DLC1: variants seen among roughly 807,000 people sequenced by gnomAD.
DLC1 encodes rho GTPase-activating protein 7.
A neutral mutation model predicts 140.3 loss-of-function variants in DLC1; 54 were observed. That is an observed-to-expected ratio of 0.38 (90% CI 0.31 to 0.48). The LOEUF is 0.48. Among genes scored for constraint, DLC1 ranks in the 20% least tolerant of loss-of-function variants. The pLI, the probability that DLC1 is intolerant of heterozygous loss-of-function variation, is 0.96. For synonymous variants in DLC1, 986 were observed against 728.1 expected (o/e 1.35, Z -5.70); for missense variants, 2,536 against 1,907.0 (o/e 1.33, Z -6.14).
At chr8:13,508,309 G>A (rs568497694) in intron 1 of DLC1, among the ~76,000 whole-genome samples, 1 of 152,168 alleles carries the variant, frequency 6.6e-6, no homozygotes, top group Non-Finnish European at 1.5e-5. Context: ...AATATTTTAT[G>A]ATATTCTCCT....
At chr8:13,160,771 G>C (rs769409846) in intron 5 of DLC1, among the ~76,000 whole-genome samples, 3 of 152,148 alleles carry the variant, frequency 2.0e-5, no homozygotes, top group African/African-American at 7.2e-5. Context: ...TATGAAAGAG[G>C]GGGTGGGGAT....
intron 4 of DLC1, among the ~76,000 whole-genome samples, chr8:13,356,222 G>C (rs1444198391): frequency 6.6e-6 from 1 of 151,308 alleles, no homozygotes; most frequent in Non-Finnish European, 1.5e-5. Context: ...ATAGCATTTG[G>C]CCAACTTCTA....
chr8:13,498,841 C>T lies in DLC1; in HGVS notation c.1023+208G>A, dbSNP rs1801634487. On this transcript the variant is annotated intron_variant, in intron 2 of 17. Coordinates refer to ENST00000276297, the MANE Select transcript of DLC1 (RefSeq NM_182643.3). ...TAGAATATTCATAAACCATTATACA[C>T]ATTATTAGTGAAACGGATAGATTAT... 8 of 548,328 alleles carry T rather than the reference C, an allele frequency of 1.5e-5. No homozygotes were observed. The South Asian group carries it at 2.4e-4, about 17-fold the overall frequency. The allele number at this position is 548,328 out of a possible 1,614,324, so 34.0% of individuals were successfully genotyped here.
chr8:13,437,697 C>T (rs979642185), intron 2 of DLC1, among the ~76,000 whole-genome samples: 1 of 152,166 alleles, frequency 6.6e-6, no homozygotes, highest in Non-Finnish European at 1.5e-5. Context: ...GCAGGGGCCT[C>T]TGAGCCTATC....
chr8:13,168,945 A>T (rs112216884), intron 5 of DLC1, among the ~76,000 whole-genome samples: 1 of 152,324 alleles, frequency 6.6e-6, no homozygotes, highest in South Asian at 2.1e-4. Context: ...ATTTATTATC[A>T]TAATGTTAGG....
chr8:13,287,033 C>G (rs1294609718), intron 5 of DLC1, among the ~76,000 whole-genome samples: 1 of 152,152 alleles, frequency 6.6e-6, no homozygotes, highest in East Asian at 1.9e-4. Context: ...TTCTTTTGTA[C>G]AGATTCTTTT....
chr8:13,487,012 A>G (rs1289561836), intron 2 of DLC1, among the ~76,000 whole-genome samples: 8 of 152,132 alleles, frequency 5.3e-5, no homozygotes, highest in Non-Finnish European at 5.9e-5. Context: ...GGATGGGGTG[A>G]GGCAAATTAT....
At chr8:13,150,011 T>G (rs1372528335) in intron 5 of DLC1, among the ~76,000 whole-genome samples, 2 of 152,234 alleles carry the variant, frequency 1.3e-5, no homozygotes, top group Non-Finnish European at 2.9e-5. Flanking sequence ...GGGCCAGTAT[T>G]ACATCAGCCA....
At position 13,441,689 on chromosome 8, in the gene DLC1, ACT is replaced by A. The variant is rs1160835742; in HGVS notation, c.1024-40072_1024-40071del. On this transcript the variant is annotated intron_variant, in intron 2 of 17. Transcript: ENST00000276297. ...ACCTCTTCAAGGAGAACTACAAACC[ACT>A]GCTCAATGAAATAAAAGAGGATACA... Among the ~76,000 whole-genome samples, 12 of 152,200 alleles carry A rather than the reference ACT, an allele frequency of 7.9e-5. No individual in the cohort carries two copies. In the East Asian group the frequency reaches 2.3e-3, roughly 29 times the overall value.
chr8:13,552,139 A>ATATC (rs1554542397), intron 1 of DLC1, among the ~76,000 whole-genome samples: 19 of 132,638 alleles, frequency 1.4e-4, no homozygotes, highest in African/African-American at 4.4e-4. Flanking sequence ...ATATATATAT[A>ATATC]TATCTGTCTA....
intron 5 of DLC1, among the ~76,000 whole-genome samples, chr8:13,300,616 G>T (rs1832151303): frequency 6.6e-6 from 1 of 152,158 alleles, no homozygotes; most frequent in African/African-American, 2.4e-5. Context: ...GGGCACAGAG[G>T]CAGGGAGAAG....
intron 1 of DLC1, among the ~76,000 whole-genome samples, chr8:13,540,941 C>T (rs1467912570): frequency 1.3e-5 from 2 of 152,304 alleles, no homozygotes; most frequent in South Asian, 2.1e-4. Flanking sequence ...ACTGTTAAGC[C>T]ATACCACAAT....
At chr8:13,339,579 T>C (rs1833947112) in intron 4 of DLC1, 2 of 152,216 alleles carry the variant, frequency 1.3e-5, no homozygotes, top group Admixed American at 1.3e-4. Context: ...AGATGCCCTG[T>C]CATTATGTCG....
chr8:13,578,968 A>G (rs374568809), intron 1 of DLC1, among the ~76,000 whole-genome samples: 2 of 151,720 alleles, frequency 1.3e-5, no homozygotes, highest in African/African-American at 4.8e-5. Flanking sequence ...CCAACGTTTT[A>G]TTACAGGTTG....
intron 1 of DLC1, among the ~76,000 whole-genome samples, chr8:13,539,130 A>T (rs1803398579): frequency 6.6e-6 from 1 of 152,050 alleles, no homozygotes; most frequent in Admixed American, 6.6e-5. Flanking sequence ...TATCTTGATT[A>T]TTGGCAATAT....
chr8:13,448,548 A>G (rs1798901449), intron 2 of DLC1, among the ~76,000 whole-genome samples: 1 of 152,024 alleles, frequency 6.6e-6, no homozygotes, highest in African/African-American at 2.4e-5. Context: ...TTTTTAGTAG[A>G]GATGAGATTT....
At chr8:13,242,614 A>C (rs1224173950) in intron 5 of DLC1, among the ~76,000 whole-genome samples, 1 of 151,860 alleles carries the variant, frequency 6.6e-6, no homozygotes, top group Non-Finnish European at 1.5e-5. Flanking sequence ...GCTGATCTTG[A>C]ACTCCTGGGC....
At chr8:13,460,951 C>G (rs538780943) in intron 2 of DLC1, among the ~76,000 whole-genome samples, 3 of 152,304 alleles carry the variant, frequency 2.0e-5, no homozygotes, top group African/African-American at 7.2e-5. Flanking sequence ...CAAGGCTCAT[C>G]CCTGTAATCC....
intron 1 of DLC1, among the ~76,000 whole-genome samples, chr8:13,581,037 A>T (rs1805076407): frequency 1.3e-5 from 2 of 152,142 alleles, no homozygotes; most frequent in Admixed American, 6.5e-5. Context: ...AAGCGGTGAA[A>T]CCTTAAAGTT....
Sources: allele counts gnomAD v4.1 joint callset (sites outside exome capture counted in the v4.1 genomes callset), GRCh38; gene constraint gnomAD v4.1.1; transcripts MANE v1.5; gene names NCBI Gene and HGNC (gene_info 2026-07-23, HGNC 2026-07-21).